Variants in PHAF1 observed in about 807,000 individuals in gnomAD.
PHAF1 encodes phagophore assembly factor 1.
In PHAF1, 23 loss-of-function variants were observed where a neutral mutation model predicts 63.1. The observed-to-expected ratio is 0.36, with a 90% CI of 0.26 to 0.52. The LOEUF (loss-of-function observed/expected upper bound fraction) is 0.52. PHAF1 is among the 20% of genes least tolerant of loss of function. The pLI is 0.93. For synonymous variants in PHAF1, 167 were observed against 185.0 expected, an observed-to-expected ratio of 0.90 and a Z score of 0.79; for missense variants, 427 against 517.2, an observed-to-expected ratio of 0.83 and a Z score of 1.69.
chr16:67,126,022 G>A lies in PHAF1; in HGVS notation c.211G>A (p.Ala71Thr), dbSNP rs1963173239. 6.2e-7 allele frequency: 1 copy of A among 1,611,814 alleles called. No individual in the cohort carries two copies. The highest frequency in any genetic ancestry group is 1.3e-5 in the African/African-American group (1 of 74,874). The change falls in exon 3 of 16, where the codon GCT becomes ACT. Residue 71 changes from alanine (A) to threonine (T), a missense_variant. By Grantham distance (58) the Ala-to-Thr change is moderately conservative. Coordinates refer to ENST00000219139, the MANE Select transcript of PHAF1 (RefSeq NM_025187.5). ...GGACGGGATCAAACTAATGTTTGAT[G>A]CTTTCAATCAGAGACTTAAGGTAAC... ...TQDGIKLMFD[A>T]FNQRLKVIEV...
Position 67,109,984 on chromosome 16 carries a change from C to G in PHAF1, c.-192C>G. The G allele has an allele frequency of 1.8e-6, 1 of 555,062 alleles. No individual in the cohort carries two copies. Among genetic ancestry groups the G allele is most frequent in the Non-Finnish European group, 3.1e-6 (1 of 318,930 alleles). 34.4% of individuals were successfully genotyped at this position (555,062 alleles called of 1,614,324 possible). On this transcript the variant is annotated 5_prime_UTR_variant, in exon 1 of 16. Coordinates refer to ENST00000219139, the MANE Select transcript of PHAF1 (RefSeq NM_025187.5). ...GTCGTTGCCCCCGCTGCCGCGGCTG[C>G]TGCAGGTGAGGTGAAGTGAGGTGAG...
Position 67,147,138 on chromosome 16 carries a change from C to T in PHAF1, c.*7C>T, listed in dbSNP as rs201102259. 1.4e-5 allele frequency: 23 copies of T among 1,602,492 alleles called. No individual in the cohort carries two copies. The East Asian group carries it at 3.8e-4, about 26-fold the overall frequency. On this transcript the variant is annotated 3_prime_UTR_variant, in exon 16 of 16. Coordinates refer to ENST00000219139, the MANE Select transcript of PHAF1 (RefSeq NM_025187.5). The stretch of plus-strand genomic sequence containing the variant: ...AACAGCGGAACTCCCCTAGGGACAC[C>T]ACCACCCATGCCCCTCTGTCCCGTG...
At chr16:67,144,008 A>G (rs1963902995) in intron 10 of PHAF1, among the ~76,000 whole-genome samples, 1 of 152,154 alleles carries the variant, frequency 6.6e-6, no homozygotes, top group Non-Finnish European at 1.5e-5. Context: ...AGGCTGAGGC[A>G]GGAGAATTGC....
chr16:67,123,013 G>A (rs1195464080), intron 2 of PHAF1, among the ~76,000 whole-genome samples: 1 of 151,560 alleles, frequency 6.6e-6, no homozygotes, highest in Admixed American at 6.6e-5. Flanking sequence ...ACAAGCATGA[G>A]CCACCACACC....
intron 4 of PHAF1, 102 bp downstream of exon 4, chr16:67,131,431 A>ATCT: frequency 1.1e-6 from 1 of 884,508 alleles, no homozygotes; most frequent in Non-Finnish European, 1.7e-6. Context: ...ACAGATGTGA[A>ATCT]TTATAGCCTG....
chr16:67,142,152 T>C (rs1288872837), intron 10 of PHAF1, among the ~76,000 whole-genome samples: 13 of 152,186 alleles, frequency 8.5e-5, no homozygotes, highest in Admixed American at 8.5e-4. Flanking sequence ...AGAAGACCCA[T>C]AGTGGGTAGC....
chr16:67,144,396 C>T lies in PHAF1; in HGVS notation c.962+20C>T. ...CAACATGTGAGTACACCTGTCTGTA[C>T]CTCCCCTCTGTGAAGTGAGTTTTGG... On this transcript the variant is annotated intron_variant, in intron 11 of 15. Coordinates refer to ENST00000219139, the MANE Select transcript of PHAF1 (RefSeq NM_025187.5). The T allele has an allele frequency of 1.3e-6, 2 of 1,548,450 alleles. No individual in the cohort carries two copies. Among genetic ancestry groups the T allele is most frequent in the Non-Finnish European group, 8.9e-7 (1 of 1,120,732 alleles).
chr16:67,124,754 T>C (rs1963116467), intron 2 of PHAF1, among the ~76,000 whole-genome samples: 1 of 151,888 alleles, frequency 6.6e-6, no homozygotes, highest in East Asian at 1.9e-4. Flanking sequence ...ATACAAAAAG[T>C]CAGCCGGGCG....
At chr16:67,114,710 G>T (rs1015831085) in intron 1 of PHAF1, among the ~76,000 whole-genome samples, 4 of 152,328 alleles carry the variant, frequency 2.6e-5, no homozygotes, top group Middle Eastern at 3.4e-3. Context: ...ATAGCTGCCT[G>T]GGATACTATC....
chr16:67,121,917 A>T (rs1367233371), intron 2 of PHAF1, among the ~76,000 whole-genome samples: 1 of 151,566 alleles, frequency 6.6e-6, no homozygotes, highest in Non-Finnish European at 1.5e-5. Flanking sequence ...AGTTTTTTTG[A>T]GACAGTATCT....
intron 8 of PHAF1, among the ~76,000 whole-genome samples, chr16:67,137,864 ATTTG>A (rs985907258): frequency 5.3e-5 from 8 of 152,056 alleles, no homozygotes; most frequent in African/African-American, 1.9e-4. Context: ...AGGGCAAATG[ATTTG>A]TTAAGTCAGG....
At chr16:67,120,278 C>G in intron 2 of PHAF1, 84 bp downstream of exon 2, 1 of 1,285,338 alleles carries the variant, frequency 7.8e-7, no homozygotes. Context: ...GATAGGCTGA[C>G]TGGCAAGGAT....
intron 15 of PHAF1, among the ~76,000 whole-genome samples, chr16:67,146,651 C>T (rs2030110462): frequency 6.6e-6 from 1 of 152,194 alleles, no homozygotes; most frequent in South Asian, 2.1e-4. Context: ...AAGGGAACCA[C>T]AGGGCAAGTG....
intron 2 of PHAF1, among the ~76,000 whole-genome samples, chr16:67,124,113 A>G (rs1963092374): frequency 6.6e-6 from 1 of 152,226 alleles, no homozygotes. Context: ...CAGGAAAAAA[A>G]AAAAAGATCA....
intron 6 of PHAF1, among the ~76,000 whole-genome samples, chr16:67,133,304 A>T (rs2145865725): frequency 1.3e-5 from 2 of 152,196 alleles, no homozygotes; most frequent in Middle Eastern, 6.8e-3. Context: ...GAAAATGATA[A>T]GCTTTCATAA....
intron 1 of PHAF1, 132 bp from the exon 2 acceptor site, chr16:67,119,980 T>A: frequency 3.1e-6 from 2 of 654,130 alleles, no homozygotes; most frequent in Non-Finnish European, 5.3e-6. Context: ...TCTTATTTAC[T>A]CATGTATCTG....
rs772858888 is a variant in PHAF1 at position 67,140,567 on chromosome 16, CT to C, written c.858del (p.Phe286LeufsTer19). 6.3e-7 allele frequency: 1 copy of C among 1,598,898 alleles called. No individual in the cohort carries two copies. The highest frequency in any genetic ancestry group is 1.7e-5 in the Admixed American group (1 of 60,000). On this transcript the variant is annotated frameshift_variant, in exon 10 of 16. Coordinates refer to ENST00000219139, the MANE Select transcript of PHAF1 (RefSeq NM_025187.5). LOFTEE classifies it high-confidence loss of function. Reference sequence around the variant, plus strand: ...AAGTTCCATCGAAGTGTAATGACTACTTTTTTAACTACTTCACTCTTGGAGT... The same window carrying C: ...AAGTTCCATCGAAGTGTAATGACTACTTTTTAACTACTTCACTCTTGGAGT... ...KQVPSKCNDYFFNYFTLGVDI... is the reference protein window; with the variant it reads ...KQVPSKCNDYXFNYFTLGVDI...
At chr16:67,122,653 T>C (rs1002402936) in intron 2 of PHAF1, among the ~76,000 whole-genome samples, 7 of 152,140 alleles carry the variant, frequency 4.6e-5, no homozygotes, top group African/African-American at 1.4e-4. Context: ...TTCATGAGAG[T>C]TGTGGCATAT....
At chr16:67,118,432 G>A (rs12325202) in intron 1 of PHAF1, among the ~76,000 whole-genome samples, 4 of 147,088 alleles carry the variant, frequency 2.7e-5, no homozygotes, top group African/African-American at 1.0e-4. Context: ...TGCCTCCTGA[G>A]TTCAAGCAGT....
Sources: allele counts gnomAD v4.1 joint callset (sites outside exome capture counted in the v4.1 genomes callset), GRCh38; gene constraint gnomAD v4.1.1; transcripts MANE v1.5; gene names NCBI Gene and HGNC (gene_info 2026-07-23, HGNC 2026-07-21).